Variants in INPP5F observed in about 807,000 individuals in gnomAD.
INPP5F encodes the protein inositol polyphosphate-5-phosphatase F.
Under a neutral mutation model 137.2 loss-of-function variants are expected in INPP5F, and 97 were observed. That is an observed-to-expected ratio of 0.71 (90% CI 0.60 to 0.84). The LOEUF (loss-of-function observed/expected upper bound fraction) is 0.84. Ranked by LOEUF, INPP5F falls within the 40% of genes least tolerant of loss-of-function variation. INPP5F has a pLI of 0.00. For missense variants in INPP5F, 1,271 were observed against 1,371.9 expected, an observed-to-expected ratio of 0.93 and a Z score of 1.16; for synonymous variants, 504 against 476.9, an observed-to-expected ratio of 1.06 and a Z score of -0.74.
intron 6 of INPP5F, 30 bp downstream of exon 6, chr10:119,792,243 C>T (rs995998191): frequency 6.0e-6 from 9 of 1,510,876 alleles, no homozygotes; most frequent in South Asian, 2.3e-5. Flanking sequence ...ATTTCCTAAC[C>T]GTAATGAAAT....
At chr10:119,731,557 G>A (rs1293680291) in intron 1 of INPP5F, among the ~76,000 whole-genome samples, 6 of 152,112 alleles carry the variant, frequency 3.9e-5, no homozygotes, top group Non-Finnish European at 7.4e-5. Flanking sequence ...CCAACTACTC[G>A]GGAGGCTAAG....
At chr10:119,794,327 G>C (rs199609141) in intron 6 of INPP5F, among the ~76,000 whole-genome samples, 1 of 152,146 alleles carries the variant, frequency 6.6e-6, no homozygotes, top group South Asian at 2.1e-4. Flanking sequence ...GAGAGCACAG[G>C]GTTGGGGGGT....
chr10:119,746,136 C>G (rs1429964620), intron 1 of INPP5F, among the ~76,000 whole-genome samples: 1 of 152,200 alleles, frequency 6.6e-6, no homozygotes, highest in East Asian at 1.9e-4. Flanking sequence ...TTTGTATCAT[C>G]TTAACGTGAT....
In INPP5F at chr10:119,827,717, A is replaced by G. The variant is rs750736163; in HGVS notation, c.3336A>G (p.Gln1112=). The change falls in exon 20 of 20, where the codon CAA becomes CAG. Residue 1112 remains glutamine, a synonymous_variant. Transcript: ENST00000650623. ...CTCCAGAACCTGAAATCATTAATCA[A>G]GTCCAGCAAAATGAACTTAAAAAGA... ...KSPPEPEIIN[Q]VQQNELKKMF... The G allele has an allele frequency of 9.9e-6, 16 of 1,613,838 alleles. No individual in the cohort carries two copies. In the Admixed American group the frequency reaches 2.3e-4, roughly 24 times the overall value.
intron 1 of INPP5F, among the ~76,000 whole-genome samples, chr10:119,749,940 G>C (rs1848645100): frequency 6.6e-6 from 1 of 152,030 alleles, no homozygotes; most frequent in African/African-American, 2.4e-5. Context: ...CACCATGCCT[G>C]GCTAATTTTT....
chr10:119,738,495 G>C (rs762278640), intron 1 of INPP5F, among the ~76,000 whole-genome samples: 25 of 152,118 alleles, frequency 1.6e-4, no homozygotes, highest in Non-Finnish European at 2.9e-4. Flanking sequence ...TCTGCCCCCA[G>C]AGTAGCCATT....
chr10:119,790,133 C>T (rs183705394), intron 3 of INPP5F, among the ~76,000 whole-genome samples: 2 of 151,768 alleles, frequency 1.3e-5, no homozygotes, highest in East Asian at 3.9e-4. Context: ...AGTAAGAGGA[C>T]AGCAGTGGCT....
chr10:119,823,033 A>T, intron 17 of INPP5F, 38 bp from the exon 18 acceptor site: 2 of 1,558,426 alleles, frequency 1.3e-6, no homozygotes, highest in South Asian at 1.2e-5. Flanking sequence ...ATGTTATGTG[A>T]AACATTTAAC....
rs2134311909 is a variant in INPP5F, at chr10:119,827,141, G to A, written c.2760G>A (p.Glu920=). 6.2e-7 allele frequency: 1 copy of A among 1,614,168 alleles called. No homozygotes were observed. Among genetic ancestry groups the A allele is most frequent in the Non-Finnish European group, 8.5e-7 (1 of 1,180,042 alleles). Residue 920 remains glutamate, a synonymous_variant, in exon 20 of 20, where the codon GAG becomes GAA. Coordinates refer to ENST00000650623, the MANE Select transcript of INPP5F (RefSeq NM_014937.4). ...ATAGTAGCGTTCATGCTCCTTCAGA[G>A]ATTACTGTTGCTCATGGGAGTGGGC... ...STDSSVHAPS[E]ITVAHGSGLG...
intron 2 of INPP5F, among the ~76,000 whole-genome samples, chr10:119,764,030 A>G (rs1849082970): frequency 6.6e-6 from 1 of 152,154 alleles, no homozygotes; most frequent in South Asian, 2.1e-4. Flanking sequence ...CATGTTTTCT[A>G]CTGACATTCT....
chr10:119,823,833 C>T lies in INPP5F; in HGVS notation c.2180C>T (p.Ala727Val). The T allele has an allele frequency of 6.2e-7, 1 of 1,613,844 alleles. No individual in the cohort carries two copies. Among genetic ancestry groups the T allele is most frequent in the Non-Finnish European group, 8.5e-7 (1 of 1,179,862 alleles). ...GTTGCAGATACCCTTCAGTGCATTG[C>T]AGAGATGCTGCAGATCACCAAGCAA... ...EDGKDTLQCI[A>V]EMLQITKQAM... The change falls in exon 19 of 20, where the codon GCA becomes GTA. Residue 727 changes from alanine to valine, a missense_variant. This residue lies in a region of INPP5F where 593 missense variants were observed against 712.4 expected (regional missense o/e 0.83). Transcript: ENST00000650623.
At chr10:119,758,613 A>G (rs1432395181) in intron 2 of INPP5F, among the ~76,000 whole-genome samples, 1 of 152,218 alleles carries the variant, frequency 6.6e-6, no homozygotes, top group East Asian at 1.9e-4. Context: ...ATAAGCAAAA[A>G]GATTCATTAG....
intron 17 of INPP5F, 58 bp downstream of exon 17, chr10:119,822,562 G>T: frequency 4.0e-6 from 3 of 757,506 alleles, no homozygotes; most frequent in Non-Finnish European, 6.5e-6. Flanking sequence ...TTCCAAGAGG[G>T]GGTCAAATTA....
intron 3 of INPP5F, among the ~76,000 whole-genome samples, chr10:119,790,966 C>G (rs1850120538): frequency 6.6e-6 from 1 of 152,160 alleles, no homozygotes; most frequent in South Asian, 2.1e-4. Context: ...ATCTCCGGAC[C>G]CAAAGTGTAT....
chr10:119,773,508 A>G (rs1475964935), intron 2 of INPP5F, among the ~76,000 whole-genome samples: 1 of 151,906 alleles, frequency 6.6e-6, no homozygotes, highest in African/African-American at 2.4e-5. Flanking sequence ...CTTCCTTCCC[A>G]CTATCCCCCG....
chr10:119,797,757 ACT>A, intron 8 of INPP5F, 117 bp downstream of exon 8: 1 of 692,630 alleles, frequency 1.4e-6, no homozygotes, highest in Non-Finnish European at 2.2e-6. Flanking sequence ...CAAAACGATA[ACT>A]TGTATTTGAA....
rs1848605496 is a variant in INPP5F, at chr10:119,748,562, C to T, written c.98-2514C>T. Among the ~76,000 whole-genome samples the T allele has an allele frequency of 6.6e-6, 1 of 152,186 alleles. No homozygotes were observed. Among genetic ancestry groups the T allele is most frequent in the Non-Finnish European group, 1.5e-5 (1 of 68,032 alleles). On this transcript the variant is annotated intron_variant, in intron 1 of 19. Coordinates refer to ENST00000650623, the MANE Select transcript of INPP5F (RefSeq NM_014937.4). This position sits in a 1 kb window ranked among gnomAD's most constrained non-coding sequence, Gnocchi z 4.7. The stretch of plus-strand genomic sequence containing the variant: ...GCAGCTTCATTGAGCCCCAGAAGAG[C>T]TCTCAGGAGACCTGAAGTGGGTAGC...
In INPP5F at chr10:119,758,847, G is replaced by C. The variant is rs79446438; in HGVS notation, c.178+7691G>C. On this transcript the variant is annotated intron_variant, in intron 2 of 19. Coordinates refer to ENST00000650623, the MANE Select transcript of INPP5F (RefSeq NM_014937.4). ...CTTTTGTAGTGGTGACGATGTCTCA[G>C]TCATTAAGATGGTAAAGTGTGTTAT... is the stretch of plus-strand genomic sequence containing the variant. Among the ~76,000 whole-genome samples the C allele has an allele frequency of 1.6e-3, 241 of 152,294 alleles. 1 individual carries two copies. Among genetic ancestry groups the C allele is most frequent in the African/African-American group, 5.5e-3 (229 of 41,556 alleles).
At chr10:119,742,545 C>G (rs1848407765) in intron 1 of INPP5F, among the ~76,000 whole-genome samples, 1 of 152,130 alleles carries the variant, frequency 6.6e-6, no homozygotes, top group East Asian at 1.9e-4. Flanking sequence ...GTGAAAGATT[C>G]ATCAGTTATT....
Sources: allele counts gnomAD v4.1 joint callset (sites outside exome capture counted in the v4.1 genomes callset), GRCh38; gene constraint gnomAD v4.1.1; regional missense constraint gnomAD v4.1.1; non-coding constraint Gnocchi (gnomAD v3.1); transcripts MANE v1.5; gene names NCBI Gene and HGNC (gene_info 2026-07-23, HGNC 2026-07-21).